The following USP15 variants were observed in gnomAD, a reference collection of about 807,000 sequenced individuals.
The protein encoded by USP15 is ubiquitin specific peptidase 15.
A neutral mutation model predicts 127.1 loss-of-function variants in USP15; 18 were observed. The ratio of observed to expected loss-of-function variants is 0.14; its 90% CI spans 0.10 to 0.21. The LOEUF (loss-of-function observed/expected upper bound fraction) is 0.21. Among genes scored for constraint, USP15 ranks in the 10% least tolerant of loss-of-function variants. USP15 has a pLI of 1.00. For missense variants in USP15, 805 were observed against 1,159.9 expected, an observed-to-expected ratio of 0.69 and a Z score of 4.44; for synonymous variants, 364 against 393.7, an observed-to-expected ratio of 0.92 and a Z score of 0.89.
intron 1 of USP15, among the ~76,000 whole-genome samples, chr12:62,272,867 C>T (rs996435326): frequency 1.3e-5 from 2 of 151,956 alleles, no homozygotes; most frequent in Non-Finnish European, 2.9e-5. Flanking sequence ...AAGTTTTTGA[C>T]GTAGTATTTC....
intron 1 of USP15, among the ~76,000 whole-genome samples, chr12:62,286,883 G>GCTGAGAT (rs2063804883): frequency 6.6e-6 from 1 of 151,238 alleles, no homozygotes; most frequent in Non-Finnish European, 1.5e-5. Flanking sequence ...GTTGCGGTGA[G>GCTGAGAT]CTGAGATCGC....
At chr12:62,337,803 A>T (rs1565867241) in intron 6 of USP15, among the ~76,000 whole-genome samples, 1 of 152,146 alleles carries the variant, frequency 6.6e-6, no homozygotes, top group African/African-American at 2.4e-5. Context: ...CCTGCAAAGG[A>T]CATGAACTCA....
In USP15 at chr12:62,364,796, G is replaced by A. The variant is rs911844657; in HGVS notation, c.915+9321G>A. Among the ~76,000 whole-genome samples, 17 of 151,962 alleles carry A rather than the reference G, an allele frequency of 1.1e-4. No individual in the cohort carries two copies. The East Asian group carries it at 3.1e-3, about 28-fold the overall frequency. On this transcript the variant is annotated intron_variant, in intron 8 of 21. Coordinates refer to ENST00000280377, the MANE Select transcript of USP15 (RefSeq NM_001252078.2). ...CTCATTTTTCAACTCCCACTTATGAGTGAGAACATGCAGTGTTTGATTTTC... is the reference window on the plus strand; with the variant it reads ...CTCATTTTTCAACTCCCACTTATGAATGAGAACATGCAGTGTTTGATTTTC...
chr12:62,335,119 T>C (rs1214300057), intron 6 of USP15: 2 of 1,522,956 alleles, frequency 1.3e-6, no homozygotes, highest in Non-Finnish European at 8.8e-7. Flanking sequence ...GTTTGATGTC[T>C]AGTTAATGTA....
At chr12:62,331,480 T>A (rs2065298982) in intron 6 of USP15, among the ~76,000 whole-genome samples, 1 of 152,134 alleles carries the variant, frequency 6.6e-6, no homozygotes, top group Admixed American at 6.5e-5. Context: ...AAAATATAAA[T>A]ATAGTTAGCC....
intron 8 of USP15, chr12:62,374,524 G>T: frequency 3.0e-6 from 3 of 985,646 alleles, no homozygotes; most frequent in Non-Finnish European, 2.4e-6. Flanking sequence ...GATTACTTTG[G>T]CTATTTTCCA....
chr12:62,337,894 G>C (rs1218758632), intron 6 of USP15, among the ~76,000 whole-genome samples: 1 of 152,064 alleles, frequency 6.6e-6, no homozygotes, highest in South Asian at 2.1e-4. Context: ...TGGAGATTTG[G>C]GTTGGTTCCA....
intron 8 of USP15, among the ~76,000 whole-genome samples, chr12:62,366,389 C>T (rs2066477552): frequency 6.6e-6 from 1 of 152,098 alleles, no homozygotes. Context: ...GTGATTTTTG[C>T]ACATTGATTT....
At chr12:62,402,104 A>G (rs116832438) in intron 21 of USP15, among the ~76,000 whole-genome samples, 449 of 151,898 alleles carry the variant, frequency 3.0e-3, no homozygotes, top group African/African-American at 0.01. Context: ...CACCTCCTCC[A>G]TCAGTCTTTT....
At position 62,406,464 on chromosome 12, in the gene USP15, A is replaced by C. The variant is rs2067871683; in HGVS notation, c.*2089A>C. On this transcript the variant is annotated 3_prime_UTR_variant, in exon 22 of 22. Coordinates refer to ENST00000280377, the MANE Select transcript of USP15 (RefSeq NM_001252078.2). ...AAGATTTAAAGAAAAGTCAAAGCTAAATCTTTTAAACCTATATTGTGGTCT... is the reference window on the plus strand; with the variant it reads ...AAGATTTAAAGAAAAGTCAAAGCTACATCTTTTAAACCTATATTGTGGTCT... 6.6e-6 allele frequency: 1 copy of C among 152,168 alleles called. No homozygotes were observed. The highest frequency in any genetic ancestry group is 1.5e-5 in the Non-Finnish European group (1 of 68,016). 9.4% of individuals were successfully genotyped at this position (152,168 alleles called of 1,614,324 possible).
chr12:62,376,000 A>G (rs1452933566), intron 8 of USP15, among the ~76,000 whole-genome samples: 4 of 152,150 alleles, frequency 2.6e-5, no homozygotes, highest in African/African-American at 4.8e-5. Context: ...TATATTAAAT[A>G]TGAAATTTAG....
chr12:62,334,141 A>G (rs1309186929), intron 6 of USP15: 2 of 152,242 alleles, frequency 1.3e-5, no homozygotes, highest in African/African-American at 2.4e-5. Flanking sequence ...TGTAGTGGCC[A>G]TACTAATCTT....
chr12:62,269,793 A>G (rs567903794), intron 1 of USP15, among the ~76,000 whole-genome samples: 65 of 152,226 alleles, frequency 4.3e-4, no homozygotes, highest in Non-Finnish European at 8.4e-4. Context: ...TATAGATATA[A>G]CACATTTGAT....
chr12:62,386,898 C>G (rs928843676), intron 11 of USP15, among the ~76,000 whole-genome samples: 2 of 152,150 alleles, frequency 1.3e-5, no homozygotes, highest in African/African-American at 4.8e-5. Flanking sequence ...AACACTTCAA[C>G]TCTGTCAGGA....
chr12:62,336,697 T>A (rs2065477547), intron 6 of USP15: 1 of 219,292 alleles, frequency 4.6e-6, no homozygotes, highest in Non-Finnish European at 7.7e-6. Flanking sequence ...AGTTGCATTG[T>A]TTTTTATTTT....
rs1007056508 is a variant in USP15 at position 62,369,498 on chromosome 12, T to A, written c.916-11992T>A. Among the ~76,000 whole-genome samples, 5 of 152,218 alleles carry A rather than the reference T, an allele frequency of 3.3e-5. No individual in the cohort carries two copies. The South Asian group carries it at 8.3e-4, about 25-fold the overall frequency. On this transcript the variant is annotated intron_variant, in intron 8 of 21. Coordinates refer to ENST00000280377, the MANE Select transcript of USP15 (RefSeq NM_001252078.2). ...TTTTCCTGCTACCTGATTTTTTTAT[T>A]TTTTCATGTGCCAGCTGTCGATGCT... is the stretch of plus-strand genomic sequence containing the variant.
At chr12:62,277,718 C>T (rs1184075052) in intron 1 of USP15, 1 of 146,018 alleles carries the variant, frequency 6.8e-6, no homozygotes, top group Non-Finnish European at 1.5e-5. Flanking sequence ...AAAAAAAAAT[C>T]ACAAAAAAAT....
intron 8 of USP15, among the ~76,000 whole-genome samples, chr12:62,363,585 C>T (rs2066381753): frequency 6.6e-6 from 1 of 152,138 alleles, no homozygotes; most frequent in Non-Finnish European, 1.5e-5. Context: ...CCACATTCCA[C>T]ACAGTACTCA....
chr12:62,279,376 C>T (rs1180288415), intron 1 of USP15, among the ~76,000 whole-genome samples: 1 of 152,078 alleles, frequency 6.6e-6, no homozygotes, highest in Non-Finnish European at 1.5e-5. Flanking sequence ...ATTCTTTCAT[C>T]CATCAAAAGA....
Sources: gnomAD v4.1 joint callset for allele counts (sites outside exome capture counted in the v4.1 genomes callset) on GRCh38, gnomAD v4.1.1 for gene constraint, MANE v1.5 for transcripts, NCBI Gene and HGNC (gene_info 2026-07-23, HGNC 2026-07-21) for gene names.